TANGO6: variants seen among roughly 807,000 people sequenced by gnomAD.
The protein encoded by TANGO6 is transport and golgi organization 6 homolog.
A neutral mutation model predicts 114.2 loss-of-function variants in TANGO6; 90 were observed. That is an observed-to-expected ratio of 0.79 (90% CI 0.66 to 0.94). The LOEUF (loss-of-function observed/expected upper bound fraction) is 0.94, where lower values mean the gene tolerates loss of function less well. Among genes scored for constraint, TANGO6 ranks in the 40% least tolerant of loss-of-function variants. The pLI is 0.00. For synonymous variants in TANGO6, 477 were observed against 509.8 expected, an observed-to-expected ratio of 0.94 and a Z score of 0.87; for missense variants, 1,274 against 1,315.3, an observed-to-expected ratio of 0.97 and a Z score of 0.49.
rs1352209825 is a variant in TANGO6, at chr16:68,919,143, CAG to C, written c.2056_2057del (p.Ser686HisfsTer28). On this transcript the variant is annotated frameshift_variant, in exon 12 of 18. Coordinates refer to ENST00000261778, the MANE Select transcript of TANGO6 (RefSeq NM_024562.2). LOFTEE classifies it high-confidence loss of function. ...GCCTGTGCAAGCCTGGCCCATCAGG[CAG>C]AGAGCACCGTGGAATCACAGACGCT... 1 of 1,612,846 alleles carries C rather than the reference CAG, an allele frequency of 6.2e-7. No individual in the cohort carries two copies. Among genetic ancestry groups the C allele is most frequent in the Non-Finnish European group, 8.5e-7 (1 of 1,179,546 alleles).
chr16:69,057,163 C>T (rs933329757), intron 17 of TANGO6, among the ~76,000 whole-genome samples: 1 of 151,602 alleles, frequency 6.6e-6, no homozygotes, highest in Non-Finnish European at 1.5e-5. Context: ...TACAAGTTCC[C>T]GTGAATGGCC....
In TANGO6 at chr16:69,039,506, C is replaced by G. The variant is rs140394533; in HGVS notation, c.2995-802C>G. ...ATCAAATTAGCCAGGCATGGTGGCG[C>G]ACACCTGTAGTCCTAGCTACTTGGG... On this transcript the variant is annotated intron_variant, in intron 16 of 17. Coordinates refer to ENST00000261778, the MANE Select transcript of TANGO6 (RefSeq NM_024562.2). Among the ~76,000 whole-genome samples the G allele has an allele frequency of 4.3e-3, 654 of 151,750 alleles. 5 individuals are homozygous for G. The highest frequency in any genetic ancestry group is 0.015 in the African/African-American group (628 of 41,354).
intron 7 of TANGO6, among the ~76,000 whole-genome samples, chr16:68,887,367 G>A (rs973097884): frequency 2.0e-5 from 3 of 152,066 alleles, no homozygotes; most frequent in Non-Finnish European, 2.9e-5. Flanking sequence ...CAGACTGCAG[G>A]TTATCTGGTT....
intron 15 of TANGO6, among the ~76,000 whole-genome samples, chr16:68,994,986 T>A (rs1292379028): frequency 1.3e-5 from 2 of 152,186 alleles, no homozygotes; most frequent in Non-Finnish European, 2.9e-5. Context: ...GAAGAAGAAT[T>A]TGAAGATAAG....
At chr16:69,008,141 A>G (rs1964111709) in intron 15 of TANGO6, among the ~76,000 whole-genome samples, 1 of 151,624 alleles carries the variant, frequency 6.6e-6, no homozygotes, top group African/African-American at 2.4e-5. Context: ...GAAAAAATAG[A>G]CTTTTTTTTT....
At chr16:68,957,750 A>G (rs1056968683) in intron 14 of TANGO6, among the ~76,000 whole-genome samples, 7 of 152,154 alleles carry the variant, frequency 4.6e-5, no homozygotes, top group Non-Finnish European at 8.8e-5. Flanking sequence ...TGAAGTAACC[A>G]TACTTATTAT....
At chr16:69,072,716 A>C (rs569783877) in intron 17 of TANGO6, among the ~76,000 whole-genome samples, 13 of 152,210 alleles carry the variant, frequency 8.5e-5, no homozygotes, top group Middle Eastern at 3.4e-3. Context: ...AGTTACTAAA[A>C]ACAGAGATCC....
chr16:69,022,712 A>T, intron 15 of TANGO6, 116 bp from the exon 16 acceptor site: 1 of 1,250,734 alleles, frequency 8.0e-7, no homozygotes, highest in African/African-American at 1.5e-5. Context: ...TCAAAAAAAA[A>T]ATAAAAACAA....
intron 7 of TANGO6, among the ~76,000 whole-genome samples, chr16:68,885,273 C>G (rs1962525252): frequency 6.6e-6 from 1 of 152,042 alleles, no homozygotes; most frequent in Non-Finnish European, 1.5e-5. Flanking sequence ...TCTTTTTATT[C>G]TTGTTAACAG....
chr16:68,933,366 GA>G (rs1420973949), intron 14 of TANGO6, among the ~76,000 whole-genome samples: 7 of 152,202 alleles, frequency 4.6e-5, no homozygotes, highest in Admixed American at 2.0e-4. Flanking sequence ...AGTGAGCCGA[GA>G]TGGCACCACT....
chr16:68,949,272 G>T (rs1431785253), intron 14 of TANGO6, among the ~76,000 whole-genome samples: 1 of 152,228 alleles, frequency 6.6e-6, no homozygotes, highest in African/African-American at 2.4e-5. Context: ...GTAGCTTTCT[G>T]TATAGAACTT....
chr16:68,998,330 A>C (rs1170849822), intron 15 of TANGO6, among the ~76,000 whole-genome samples: 2 of 152,200 alleles, frequency 1.3e-5, no homozygotes, highest in African/African-American at 4.8e-5. Flanking sequence ...AAAAATTCAA[A>C]AACAATGGAT....
At chr16:68,996,417 G>A (rs1164358087) in intron 15 of TANGO6, among the ~76,000 whole-genome samples, 1 of 152,042 alleles carries the variant, frequency 6.6e-6, no homozygotes, top group East Asian at 1.9e-4. Context: ...AGAAACCAGT[G>A]ATTCTTCTAT....
chr16:69,031,092 A>AT (rs1047702995), intron 16 of TANGO6, among the ~76,000 whole-genome samples: 1 of 151,890 alleles, frequency 6.6e-6, no homozygotes, highest in Non-Finnish European at 1.5e-5. Context: ...AAATTTAAAA[A>AT]TTTTTTTTAA....
intron 9 of TANGO6, among the ~76,000 whole-genome samples, chr16:68,907,109 T>A (rs1396849023): frequency 6.7e-6 from 1 of 149,132 alleles, no homozygotes; most frequent in Non-Finnish European, 1.5e-5. Context: ...ATTTTTTTTT[T>A]TTTTTTTTTT....
At chr16:68,877,447 G>A (rs1466987531) in intron 5 of TANGO6, among the ~76,000 whole-genome samples, 2 of 147,452 alleles carry the variant, frequency 1.4e-5, no homozygotes, top group Admixed American at 6.8e-5. Context: ...CAGCCTGGGC[G>A]GCAGGGTGAG....
intron 14 of TANGO6, among the ~76,000 whole-genome samples, chr16:68,967,629 A>C (rs2152210992): frequency 6.6e-6 from 1 of 152,272 alleles, no homozygotes; most frequent in Admixed American, 6.5e-5. Context: ...ATTTCATTTC[A>C]ATGGAATTAT....
chr16:68,843,567 G>A lies in TANGO6; in HGVS notation c.-51G>A, dbSNP rs2152146949. 3.2e-6 allele frequency: 5 copies of A among 1,568,152 alleles called. No individual in the cohort carries two copies. The highest frequency in any genetic ancestry group is 2.3e-5 in the East Asian group (1 of 44,158). ...CCACACTTAACATGGCGGCGGCGGC[G>A]CCCTGCCGAGGCGCCTGAGCGGGTC... On this transcript the variant is annotated 5_prime_UTR_variant, in exon 1 of 18. Coordinates refer to ENST00000261778, the MANE Select transcript of TANGO6 (RefSeq NM_024562.2).
chr16:68,932,032 G>C (rs1202926309), intron 14 of TANGO6, among the ~76,000 whole-genome samples: 1 of 151,604 alleles, frequency 6.6e-6, no homozygotes, highest in East Asian at 1.9e-4. Context: ...TTAAATGGGT[G>C]AGTTGTATGG....
Sources: allele counts gnomAD v4.1 joint callset (sites outside exome capture counted in the v4.1 genomes callset), GRCh38; gene constraint gnomAD v4.1.1; transcripts MANE v1.5; gene names NCBI Gene and HGNC (gene_info 2026-07-23, HGNC 2026-07-21).